The following FRAS1 variants were observed in gnomAD, a reference collection of about 807,000 sequenced individuals.
FRAS1 encodes the protein extracellular matrix organizing protein FRAS1.
Under a neutral mutation model 435.2 loss-of-function variants are expected in FRAS1, and 290 were observed. That is an observed-to-expected ratio of 0.67 (90% CI 0.61 to 0.73). FRAS1 has a LOEUF of 0.73. Ranked by LOEUF, FRAS1 falls within the 30% of genes least tolerant of loss-of-function variation. FRAS1 has a pLI of 0.00. For missense variants in FRAS1, 4,860 were observed against 5,001.5 expected, an observed-to-expected ratio of 0.97 and a Z score of 0.85; for synonymous variants, 1,800 against 1,851.0, an observed-to-expected ratio of 0.97 and a Z score of 0.71.
rs17003159 is a variant in FRAS1 at position 78,363,208 on chromosome 4, G to A, written c.2423-305G>A. ...ATTATCTTACTGCTTCTGTTAGTCA[G>A]GAAGTTCTCTCTATACTCCTAGCAA... is the stretch of plus-strand genomic sequence containing the variant. On this transcript the variant is annotated intron_variant, in intron 20 of 73. Coordinates refer to ENST00000512123, the MANE Select transcript of FRAS1 (RefSeq NM_025074.7). Among the ~76,000 whole-genome samples, 1,359 of 152,222 alleles carry A rather than the reference G, an allele frequency of 8.9e-3. 22 individuals carry two copies. Among genetic ancestry groups the A allele is most frequent in the African/African-American group, 0.031 (1,293 of 41,532 alleles).
chr4:78,180,842 C>A, intron 2 of FRAS1: 1 of 1,546,842 alleles, frequency 6.5e-7, no homozygotes, highest in Non-Finnish European at 8.9e-7. Context: ...CACGAAGGAA[C>A]CAGGGTTGTC....
chr4:78,118,067 A>C (rs1718759391), intron 2 of FRAS1, among the ~76,000 whole-genome samples: 1 of 148,220 alleles, frequency 6.7e-6, no homozygotes, highest in Non-Finnish European at 1.5e-5. Context: ...CCTCAGCTGC[A>C]GGTCTGTTGG....
intron 59 of FRAS1, among the ~76,000 whole-genome samples, chr4:78,491,650 T>C (rs553949124): frequency 6.6e-6 from 1 of 152,252 alleles, no homozygotes; most frequent in Admixed American, 6.5e-5. Flanking sequence ...ATGGAACATA[T>C]CTCAAAATAA....
At chr4:78,265,529 G>A (rs1278582049) in intron 7 of FRAS1, among the ~76,000 whole-genome samples, 1 of 152,154 alleles carries the variant, frequency 6.6e-6, no homozygotes, top group Admixed American at 6.5e-5. Flanking sequence ...ACCTGGCGGT[G>A]GTAGAAGACA....
chr4:78,191,390 G>T (rs9993864), intron 2 of FRAS1, among the ~76,000 whole-genome samples: 1 of 151,854 alleles, frequency 6.6e-6, no homozygotes, highest in Non-Finnish European at 1.5e-5. Context: ...CAGTTAAACC[G>T]GCATTTTATT....
intron 20 of FRAS1, among the ~76,000 whole-genome samples, chr4:78,343,191 T>TG: frequency 6.6e-6 from 1 of 152,232 alleles, no homozygotes; most frequent in East Asian, 1.9e-4. Flanking sequence ...ATATGTGTGC[T>TG]GTGAATCTTT....
chr4:78,246,817 T>C (rs1216089226), intron 4 of FRAS1, among the ~76,000 whole-genome samples: 1 of 152,116 alleles, frequency 6.6e-6, no homozygotes. Flanking sequence ...TCAGTAAATC[T>C]TTGCATGGAC....
intron 2 of FRAS1, 89 bp from the exon 3 acceptor site, chr4:78,237,420 TC>T: frequency 1.2e-6 from 1 of 853,344 alleles, no homozygotes; most frequent in Non-Finnish European, 1.9e-6. Context: ...CTTGTAATTG[TC>T]CAGGATGTGG....
intron 2 of FRAS1, among the ~76,000 whole-genome samples, chr4:78,080,457 C>G (rs1740844089): frequency 6.6e-6 from 1 of 152,030 alleles, no homozygotes; most frequent in Non-Finnish European, 1.5e-5. Context: ...TCATTTTTTT[C>G]TATCATAGGC....
In FRAS1 at chr4:78,181,781, A is replaced by G. The variant is rs1722014510; in HGVS notation, c.109-55729A>G. The G allele has an allele frequency of 1.9e-6, 3 of 1,610,782 alleles. No homozygotes were observed. The African/African-American group carries it at 4.0e-5, about 22-fold the overall frequency. On this transcript the variant is annotated intron_variant, in intron 2 of 73. Coordinates refer to ENST00000512123, the MANE Select transcript of FRAS1 (RefSeq NM_025074.7). ...CGGCTGCGTCTCCTCTTTCTTGTCA[A>G]CCACGCCAACGCTGCGGGGCAGCGG...
chr4:78,127,422 A>G (rs562359474), intron 2 of FRAS1, among the ~76,000 whole-genome samples: 13 of 152,348 alleles, frequency 8.5e-5, no homozygotes, highest in African/African-American at 3.1e-4. Flanking sequence ...TAAAGATATC[A>G]GTGTTCTGGC....
rs1720619196 is a variant in FRAS1 at position 78,499,723 on chromosome 4, C to T, written c.9118C>T (p.Pro3040Ser). The change falls in exon 61 of 74, where the codon CCC becomes TCC. Residue 3040 changes from proline to serine, a missense_variant and splice_region_variant. Physicochemically the swap from Pro to Ser is moderately conservative, Grantham distance 74. Transcript: ENST00000512123. ...TTTTCCTAACCATATTTCCTTAGCC[C>T]CCACCATTGAGTTTGAAGAAGCTGC... ...TITISNDEDA[P>S]TIEFEEAAYQ... The T allele has an allele frequency of 6.2e-7, 1 of 1,613,342 alleles. No individual in the cohort carries two copies. The highest frequency in any genetic ancestry group is 1.3e-5 in the African/African-American group (1 of 75,026).
chr4:78,249,141 C>A (rs1273874326), intron 4 of FRAS1, among the ~76,000 whole-genome samples: 2 of 126,284 alleles, frequency 1.6e-5, no homozygotes, highest in Non-Finnish European at 3.3e-5. Flanking sequence ...ATAATCAATC[C>A]TCAGAACACT....
chr4:78,171,720 A>G (rs1721570028), intron 2 of FRAS1, among the ~76,000 whole-genome samples: 1 of 152,124 alleles, frequency 6.6e-6, no homozygotes, highest in African/African-American at 2.4e-5. Flanking sequence ...CCTGCTATGA[A>G]GCCACCCTCT....
intron 50 of FRAS1, among the ~76,000 whole-genome samples, chr4:78,468,446 C>A (rs547071083): frequency 3.3e-5 from 5 of 151,948 alleles, no homozygotes; most frequent in Non-Finnish European, 7.4e-5. Context: ...AAGCCCAGTG[C>A]CTGGCACACA....
At chr4:78,168,496 T>C (rs906020951) in intron 2 of FRAS1, among the ~76,000 whole-genome samples, 1 of 152,002 alleles carries the variant, frequency 6.6e-6, no homozygotes. Flanking sequence ...ATAAACCTAA[T>C]CTAAAACTTC....
intron 9 of FRAS1, among the ~76,000 whole-genome samples, chr4:78,268,064 TTCC>T (rs1726459459): frequency 1.3e-5 from 2 of 152,330 alleles, no homozygotes; most frequent in South Asian, 4.1e-4. Context: ...GACTTTTTTT[TTCC>T]TCTTTGAACT....
Position 78,478,032 on chromosome 4 carries a change from G to A in FRAS1, c.8069G>A (p.Gly2690Asp). 6.3e-7 allele frequency: 1 copy of A among 1,581,130 alleles called. No homozygotes were observed. The highest frequency in any genetic ancestry group is 1.2e-5 in the South Asian group (1 of 86,478). Residue 2690 changes from glycine to aspartate, a missense_variant, in exon 55 of 74, where the codon GGT becomes GAT. Gly to Asp is a moderately conservative substitution (Grantham distance 94). Coordinates refer to ENST00000512123, the MANE Select transcript of FRAS1 (RefSeq NM_025074.7). The stretch of plus-strand genomic sequence containing the variant: ...ATCTACTGGGTTAACGAGAGCGCTG[G>A]TTTTCTGTTTGCACCTATTGAAAGA... Reference protein sequence around the residue: ...KKIYWVNESAGFLFAPIERKG... With the variant: ...KKIYWVNESADFLFAPIERKG...
chr4:78,267,500 C>A, intron 9 of FRAS1, 68 bp downstream of exon 9: 1 of 1,450,918 alleles, frequency 6.9e-7, no homozygotes, highest in Non-Finnish European at 9.4e-7. Flanking sequence ...AGGGGTCCTG[C>A]CTGTTCTTTA....
Sources: gnomAD v4.1 joint callset for allele counts (sites outside exome capture counted in the v4.1 genomes callset) on GRCh38, gnomAD v4.1.1 for gene constraint, MANE v1.5 for transcripts, NCBI Gene and HGNC (gene_info 2026-07-23, HGNC 2026-07-21) for gene names.